Variants in ZNF423 observed in about 807,000 individuals in gnomAD.
The protein encoded by ZNF423 is Ebf-associated zinc finger protein.
A neutral mutation model predicts 95.8 loss-of-function variants in ZNF423; 12 were observed. That is an observed-to-expected ratio of 0.13 (90% CI 0.08 to 0.20). The LOEUF is 0.20. ZNF423 is among the 10% of genes least tolerant of loss of function. ZNF423 has a pLI of 1.00. For missense variants in ZNF423, 1,316 were observed against 1,737.1 expected (o/e 0.76, Z 4.31); for synonymous variants, 749 against 711.9 (o/e 1.05, Z -0.83).
chr16:49,525,037 C>T (rs188287825), intron 6 of ZNF423, among the ~76,000 whole-genome samples: 29 of 152,270 alleles, frequency 1.9e-4, no homozygotes, highest in Middle Eastern at 6.8e-3. Flanking sequence ...AACACAGGGC[C>T]CGGGAGGGGA....
At chr16:49,722,953 A>ATTT (rs10533611) in intron 3 of ZNF423, among the ~76,000 whole-genome samples, 2 of 130,882 alleles carry the variant, frequency 1.5e-5, no homozygotes, top group African/African-American at 5.8e-5. Context: ...CGGGGTTCTA[A>ATTT]TTTTTTTTTT....
intron 7 of ZNF423, among the ~76,000 whole-genome samples, chr16:49,504,512 G>A (rs1967553302): frequency 6.6e-6 from 1 of 152,166 alleles, no homozygotes; most frequent in African/African-American, 2.4e-5. Flanking sequence ...AACCCAGGAA[G>A]CGGAGGTTGC....
At chr16:49,565,188 C>A (rs1970150879) in intron 5 of ZNF423, among the ~76,000 whole-genome samples, 1 of 152,184 alleles carries the variant, frequency 6.6e-6, no homozygotes, top group African/African-American at 2.4e-5. Context: ...ACGGGCGAAC[C>A]ATTTGTAACC....
intron 3 of ZNF423, among the ~76,000 whole-genome samples, chr16:49,725,909 G>A (rs968596005): frequency 4.6e-5 from 7 of 152,186 alleles, no homozygotes; most frequent in Admixed American, 2.0e-4. Flanking sequence ...ATCAGGGAAC[G>A]GAGCTGAAGG....
At chr16:49,644,673 A>C (rs1044082000) in intron 3 of ZNF423, among the ~76,000 whole-genome samples, 38 of 140,472 alleles carry the variant, frequency 2.7e-4, no homozygotes, top group East Asian at 8.1e-4. Context: ...AAAAAAAAAA[A>C]AAAAAAAAAA....
chr16:49,793,697 G>A (rs2143848929), intron 1 of ZNF423, among the ~76,000 whole-genome samples: 1 of 152,286 alleles, frequency 6.6e-6, no homozygotes, highest in South Asian at 2.1e-4. Flanking sequence ...TGCACACAGA[G>A]AGGAGGCATG....
At chr16:49,699,895 G>C (rs776529808) in intron 3 of ZNF423, among the ~76,000 whole-genome samples, 1 of 152,132 alleles carries the variant, frequency 6.6e-6, no homozygotes, top group Non-Finnish European at 1.5e-5. Context: ...CTCCAAGAGG[G>C]AGGAGGACAG....
intron 3 of ZNF423, among the ~76,000 whole-genome samples, chr16:49,701,757 C>T (rs534579662): frequency 3.4e-4 from 52 of 152,306 alleles, no homozygotes; most frequent in African/African-American, 1.2e-3. Context: ...TTCCCCGTTG[C>T]AGATTTTACT....
At chr16:49,789,674 G>T in intron 1 of ZNF423, 128 bp from the exon 2 acceptor site, 1 of 829,076 alleles carries the variant, frequency 1.2e-6, no homozygotes, top group South Asian at 2.2e-5. Context: ...CAGGGGAGAG[G>T]GGGCAAAGCC....
chr16:49,546,051 T>G (rs922558822), intron 5 of ZNF423, among the ~76,000 whole-genome samples: 5 of 152,242 alleles, frequency 3.3e-5, no homozygotes, highest in Non-Finnish European at 7.3e-5. Context: ...TTCTGTTATG[T>G]GCAAAGCATA....
At chr16:49,557,274 C>T (rs1177423193) in intron 5 of ZNF423, among the ~76,000 whole-genome samples, 1 of 152,230 alleles carries the variant, frequency 6.6e-6, no homozygotes, top group Non-Finnish European at 1.5e-5. Flanking sequence ...TGCCTAATCC[C>T]TTCTGCATAC....
intron 1 of ZNF423, chr16:49,853,985 T>C (rs747489235): frequency 4.0e-5 from 39 of 985,314 alleles, no homozygotes; most frequent in Non-Finnish European, 4.3e-5. Context: ...GCCTCTTAAG[T>C]GGCTCCTGAA....
At chr16:49,661,564 C>G (rs1398737890) in intron 3 of ZNF423, among the ~76,000 whole-genome samples, 1 of 152,212 alleles carries the variant, frequency 6.6e-6, no homozygotes, top group Non-Finnish European at 1.5e-5. Flanking sequence ...CCTGGGCTTC[C>G]CTGTCTCTGT....
At chr16:49,517,309 C>T (rs12598373) in intron 7 of ZNF423, among the ~76,000 whole-genome samples, 2 of 152,326 alleles carry the variant, frequency 1.3e-5, no homozygotes, top group South Asian at 2.1e-4. Flanking sequence ...AACCCCTGTT[C>T]TGAGTTGGCG....
chr16:49,611,809 T>C (rs1971733205), intron 5 of ZNF423, among the ~76,000 whole-genome samples: 1 of 151,964 alleles, frequency 6.6e-6, no homozygotes, highest in Non-Finnish European at 1.5e-5. Flanking sequence ...AGGATATCAC[T>C]ACAGACACTA....
chr16:49,744,149 C>G (rs1476226502), intron 2 of ZNF423, among the ~76,000 whole-genome samples: 2 of 152,328 alleles, frequency 1.3e-5, no homozygotes, highest in Admixed American at 6.5e-5. Context: ...GCCGACTTCC[C>G]GTCAGTCCCC....
intron 2 of ZNF423, among the ~76,000 whole-genome samples, chr16:49,742,786 C>A (rs1280988326): frequency 6.6e-6 from 1 of 152,110 alleles, no homozygotes; most frequent in African/African-American, 2.4e-5. Flanking sequence ...CAAATCACCC[C>A]CCTTGTGGCT....
chr16:49,557,417 GAGA>G (rs923017327), intron 5 of ZNF423, among the ~76,000 whole-genome samples: 9 of 152,194 alleles, frequency 5.9e-5, no homozygotes, highest in African/African-American at 1.7e-4. Flanking sequence ...TGGGTGGAAT[GAGA>G]AGGAGGAACT....
At chr16:49,764,566 C>T (rs1401773001) in intron 2 of ZNF423, 1 of 151,808 alleles carries the variant, frequency 6.6e-6, no homozygotes, top group Non-Finnish European at 1.5e-5. Context: ...TCGCTGAGGA[C>T]ATTCGACATC....
Sources: allele counts gnomAD v4.1 joint callset (sites outside exome capture counted in the v4.1 genomes callset), GRCh38; gene constraint gnomAD v4.1.1; transcripts MANE v1.5; gene names NCBI Gene and HGNC (gene_info 2026-07-23, HGNC 2026-07-21).